PTPRF: variants seen among roughly 807,000 people sequenced by gnomAD.
PTPRF encodes protein tyrosine phosphatase receptor type F.
PTPRF carries 59 observed loss-of-function variants against 201.8 expected under a neutral mutation model. The ratio of observed to expected loss-of-function variants is 0.29; its 90% CI spans 0.24 to 0.36. PTPRF has a LOEUF of 0.36. Ranked by LOEUF, PTPRF falls within the 10% of genes least tolerant of loss-of-function variation. The probability of loss-of-function intolerance (pLI) is 1.00; values close to 1 mark genes in which losing one functional copy is unlikely to be tolerated. For missense variants in PTPRF, 2,132 were observed against 2,690.5 expected (o/e 0.79, Z 4.59); for synonymous variants, 1,088 against 1,089.7 (o/e 1.00, Z 0.03).
intron 10 of PTPRF, 95 bp downstream of exon 10, chr1:43,592,043 C>T (rs1650914304): frequency 6.5e-7 from 1 of 1,532,908 alleles, no homozygotes; most frequent in South Asian, 1.2e-5. Flanking sequence ...GATTCTGTGG[C>T]TTATGTGGGC....
Position 43,569,460 on chromosome 1 carries a change from T to C in PTPRF, c.380-130T>C, listed in dbSNP as rs528318772. On this transcript the variant is annotated intron_variant, in intron 5 of 33. Transcript: ENST00000359947. ...CTCAAATCGGGGTATGCTTCATGCT[T>C]AGAAGTCAAGGAAAGGGGAGGGGAG... 3.1e-5 allele frequency: 28 copies of C among 915,582 alleles called. No homozygotes were observed. In the East Asian group the frequency reaches 6.6e-4, roughly 22 times the overall value. 56.7% of individuals were successfully genotyped at this position (915,582 alleles called of 1,614,324 possible). A position where few individuals can be genotyped will look rare whatever the true frequency, so the allele number is the denominator to read the frequency against.
At chr1:43,526,245 A>G (rs1391128133), upstream of PTPRF, among the ~76,000 whole-genome samples, 1 of 152,050 alleles carries the variant, frequency 6.6e-6, no homozygotes, top group Non-Finnish European at 1.5e-5. Flanking sequence ...TTGAGAAATT[A>G]ACTCCTGTAT....
Position 43,619,040 on chromosome 1 carries a change from T to A in PTPRF, c.4492-8T>A. 1 of 1,610,862 alleles carries A rather than the reference T, an allele frequency of 6.2e-7. No individual in the cohort carries two copies. Among genetic ancestry groups the A allele is most frequent in the Non-Finnish European group, 8.5e-7 (1 of 1,177,466 alleles). On this transcript the variant is annotated splice_polypyrimidine_tract_variant and splice_region_variant and intron_variant, in intron 26 of 33. Coordinates refer to ENST00000359947, the MANE Select transcript of PTPRF (RefSeq NM_002840.5). Reference sequence around the variant, plus strand: ...TAGTCGCCAGTATGTCCCCACTTTGTCCCCCAGAGTGGCTCCAGTGAGAAG... The same window carrying A: ...TAGTCGCCAGTATGTCCCCACTTTGACCCCCAGAGTGGCTCCAGTGAGAAG...
chr1:43,604,626 G>A (rs1042158640), intron 16 of PTPRF, among the ~76,000 whole-genome samples: 4 of 152,146 alleles, frequency 2.6e-5, no homozygotes, highest in Admixed American at 2.0e-4. Flanking sequence ...GGTGTCCATC[G>A]GCTCAAGCTT....
chr1:43,597,732 C>T lies in PTPRF; in HGVS notation c.1814-16C>T, dbSNP rs766383823. The T allele has an allele frequency of 2.1e-6, 3 of 1,440,772 alleles. No individual in the cohort carries two copies. The highest frequency in any genetic ancestry group is 2.0e-5 in the Admixed American group (1 of 50,872). 89.2% of individuals were successfully genotyped at this position (1,440,772 alleles called of 1,614,324 possible). Reference sequence around the variant, plus strand: ...ACCCTCCATCTGCTTGCTTCCCCCCCATTTGTCTTCCCCAGCCCCCTCCGC... The same window carrying T: ...ACCCTCCATCTGCTTGCTTCCCCCCTATTTGTCTTCCCCAGCCCCCTCCGC... On this transcript the variant is annotated splice_polypyrimidine_tract_variant and intron_variant, in intron 11 of 33. Coordinates refer to ENST00000359947, the MANE Select transcript of PTPRF (RefSeq NM_002840.5).
At chr1:43,540,081 A>G (rs1485450673) in intron 2 of PTPRF, among the ~76,000 whole-genome samples, 1 of 152,126 alleles carries the variant, frequency 6.6e-6, no homozygotes, top group Non-Finnish European at 1.5e-5. Flanking sequence ...CCTCAGCACC[A>G]TTGACATTTT....
intron 1 of PTPRF, among the ~76,000 whole-genome samples, chr1:43,535,935 T>C (rs1312630430): frequency 6.6e-6 from 1 of 152,130 alleles, no homozygotes; most frequent in African/African-American, 2.4e-5. Context: ...CCCACCTGGC[T>C]AATTTTTGTA....
At chr1:43,578,195 A>G (rs1297916621) in intron 6 of PTPRF, among the ~76,000 whole-genome samples, 1 of 152,174 alleles carries the variant, frequency 6.6e-6, no homozygotes, top group Non-Finnish European at 1.5e-5. Context: ...GGGTCGAAGC[A>G]CTTTAGCAGG....
intron 7 of PTPRF, chr1:43,583,094 G>T: frequency 3.0e-6 from 3 of 985,740 alleles, no homozygotes; most frequent in Non-Finnish European, 2.4e-6. Flanking sequence ...CAGCGAGAAG[G>T]TTGGTCCTTT....
At chr1:43,529,809 C>T (rs1643295064), upstream of PTPRF, among the ~76,000 whole-genome samples, 1 of 152,178 alleles carries the variant, frequency 6.6e-6, no homozygotes, top group African/African-American at 2.4e-5. Context: ...TTATTGGTTT[C>T]ACCCAGAAAT....
chr1:43,548,801 C>G (rs1253831239), intron 3 of PTPRF, among the ~76,000 whole-genome samples: 1 of 152,218 alleles, frequency 6.6e-6, no homozygotes, highest in Non-Finnish European at 1.5e-5. Context: ...CCTGCCCTGC[C>G]TTCGCCGGCC....
chr1:43,606,664 G>A lies in PTPRF; in HGVS notation c.3703-150G>A, dbSNP rs1655194111. ...GAGGCCAGACCTAATGTGGCTCCAG[G>A]GACCCAGTCCTGCCAGGTCCACCTT... On this transcript the variant is annotated intron_variant, in intron 20 of 33. Coordinates refer to ENST00000359947, the MANE Select transcript of PTPRF (RefSeq NM_002840.5). The A allele has an allele frequency of 2.4e-6, 3 of 1,227,802 alleles. No individual in the cohort carries two copies. The Admixed American group carries it at 6.7e-5, about 28-fold the overall frequency. The allele number at this position is 1,227,802 out of a possible 1,614,324, so 76.1% of individuals were successfully genotyped here. A position where few individuals can be genotyped will look rare whatever the true frequency, so the allele number is the denominator to read the frequency against.
At chr1:43,540,725 C>T (rs967714921) in intron 2 of PTPRF, among the ~76,000 whole-genome samples, 2 of 152,198 alleles carry the variant, frequency 1.3e-5, no homozygotes, top group Non-Finnish European at 2.9e-5. Flanking sequence ...CGATACCAGC[C>T]GTGGGAGGGA....
intron 7 of PTPRF, among the ~76,000 whole-genome samples, chr1:43,583,344 A>C (rs1166903804): frequency 6.6e-6 from 1 of 152,096 alleles, no homozygotes. Context: ...GTTCCCCTGC[A>C]AGGGTGGTGG....
chr1:43,557,901 G>A (rs1471159912), intron 5 of PTPRF, among the ~76,000 whole-genome samples: 1 of 152,188 alleles, frequency 6.6e-6, no homozygotes, highest in African/African-American at 2.4e-5. Context: ...GCCAGCATTG[G>A]GCTTGACAGA....
In PTPRF at chr1:43,588,575, T is replaced by C. The variant is rs1263140665; in HGVS notation, c.680-156T>C. Among the ~76,000 whole-genome samples, 1 of 151,180 alleles carries C rather than the reference T, an allele frequency of 6.6e-6. No individual in the cohort carries two copies. The highest frequency in any genetic ancestry group is 1.5e-5 in the Non-Finnish European group (1 of 67,730). On this transcript the variant is annotated intron_variant, in intron 7 of 33. Coordinates refer to ENST00000359947, the MANE Select transcript of PTPRF (RefSeq NM_002840.5). This position sits in a 1 kb window ranked among gnomAD's most constrained non-coding sequence, Gnocchi z 5.3. ...AGGCTGGAAGTGGGTGGGGTGGGAG[T>C]GGATGATGAGCTGGGGTCTGGCGGT...
At chr1:43,569,541 G>C in intron 5 of PTPRF, 49 bp from the exon 6 acceptor site, 1 of 1,529,354 alleles carries the variant, frequency 6.5e-7, no homozygotes, top group African/African-American at 1.4e-5. Context: ...AGGGGTCATA[G>C]GGGGCAGGCA....
At chr1:43,545,873 G>C (rs1475490591) in intron 3 of PTPRF, among the ~76,000 whole-genome samples, 1 of 152,164 alleles carries the variant, frequency 6.6e-6, no homozygotes, top group African/African-American at 2.4e-5. Context: ...TCCCTTTCCT[G>C]CTGCCCTTCC....
intron 5 of PTPRF, among the ~76,000 whole-genome samples, chr1:43,555,094 C>T (rs998370489): frequency 2.0e-5 from 3 of 151,958 alleles, no homozygotes; most frequent in African/African-American, 4.8e-5. Flanking sequence ...TCAGGTGATC[C>T]GCCTGCCTCA....
Sources: allele counts gnomAD v4.1 joint callset (sites outside exome capture counted in the v4.1 genomes callset), GRCh38; gene constraint gnomAD v4.1.1; non-coding constraint Gnocchi (gnomAD v3.1); transcripts MANE v1.5; gene names NCBI Gene and HGNC (gene_info 2026-07-23, HGNC 2026-07-21).